The following MACF1 variants were observed in gnomAD, a reference collection of about 807,000 sequenced individuals.
MACF1 encodes the protein microtubule-actin cross-linking factor 1.
In MACF1, 193 loss-of-function variants were observed where a neutral mutation model predicts 854.8. The observed-to-expected ratio is 0.23, with a 90% confidence interval of 0.20 to 0.25. The LOEUF is 0.25. Among genes scored for constraint, MACF1 ranks in the 10% least tolerant of loss-of-function variants. The pLI, the probability that MACF1 is intolerant of heterozygous loss-of-function variation, is 1.00. For missense variants in MACF1, 7,722 were observed against 8,929.1 expected, an observed-to-expected ratio of 0.86 and a Z score of 5.45; for synonymous variants, 3,185 against 3,226.7, an observed-to-expected ratio of 0.99 and a Z score of 0.44.
At chr1:39,361,264 A>G (rs1648165415) in intron 48 of MACF1, 96 bp from the exon 49 acceptor site, 4 of 1,241,064 alleles carry the variant, frequency 3.2e-6, no homozygotes, top group Non-Finnish European at 4.5e-6. Flanking sequence ...GCAGTCCTCC[A>G]GTCCCCCTTG....
intron 97 of MACF1, among the ~76,000 whole-genome samples, chr1:39,477,060 T>C (rs1206942112): frequency 9.8e-5 from 2 of 20,460 alleles, no homozygotes; most frequent in Admixed American, 6.6e-4. Context: ...TATATATATA[T>C]ATATATATAT....
Position 39,477,999 on chromosome 1 carries a change from A to ATTTTT in MACF1, c.21959-1782_21959-1778dup, listed in dbSNP as rs36028217. 1.3e-3 allele frequency among the ~76,000 whole-genome samples: 132 copies of ATTTTT among 101,854 alleles called. 4 individuals are homozygous for ATTTTT. Among genetic ancestry groups the ATTTTT allele is most frequent in the African/African-American group, 4.4e-3 (117 of 26,554 alleles). The allele number at this position is 101,854 out of a possible 152,430, so 66.8% of individuals were successfully genotyped here. A position where few individuals can be genotyped will look rare whatever the true frequency, so the allele number is the denominator to read the frequency against. ...CCTGGCAGAGTTTGCTCAGAAGTGA[A>ATTTTT]TTTTTTTTTTTTTTTTTTTTTGAGA... On this transcript the variant is annotated intron_variant, in intron 97 of 100. Coordinates refer to ENST00000564288, the MANE Select transcript of MACF1 (RefSeq NM_001394062.1).
At chr1:39,307,993 C>T (rs1646224352) in intron 23 of MACF1, among the ~76,000 whole-genome samples, 1 of 144,350 alleles carries the variant, frequency 6.9e-6, no homozygotes, top group African/African-American at 2.6e-5. Context: ...CAAGCTCTGC[C>T]TCCTGGGTTC....
intron 2 of MACF1, among the ~76,000 whole-genome samples, chr1:39,096,678 G>T (rs1409157186): frequency 6.6e-6 from 1 of 151,256 alleles, no homozygotes; most frequent in Non-Finnish European, 1.5e-5. Context: ...TTGCTCTGTT[G>T]CCCAGGCTGC....
chr1:39,379,856 T>C (rs1650024902), intron 54 of MACF1, among the ~76,000 whole-genome samples: 1 of 152,150 alleles, frequency 6.6e-6, no homozygotes, highest in African/African-American at 2.4e-5. Context: ...CTAGGAAAAA[T>C]GTCAGAAGAT....
intron 6 of MACF1, chr1:39,268,486 G>A (rs571314878): frequency 8.8e-7 from 1 of 1,133,742 alleles, no homozygotes; most frequent in African/African-American, 1.6e-5. Context: ...TTGTCTTGTT[G>A]CAGCTCTGAG....
chr1:39,092,495 G>A (rs1209547665), intron 2 of MACF1, among the ~76,000 whole-genome samples: 4 of 152,184 alleles, frequency 2.6e-5, no homozygotes, highest in Non-Finnish European at 4.4e-5. Flanking sequence ...TATACACTGA[G>A]CAAATAATGG....
intron 2 of MACF1, among the ~76,000 whole-genome samples, chr1:39,141,496 T>G (rs1643345140): frequency 6.6e-6 from 1 of 152,226 alleles, no homozygotes; most frequent in Non-Finnish European, 1.5e-5. Context: ...CTTGGGCAAG[T>G]TCTTGAACCT....
At chr1:39,168,519 C>T (rs781252366) in intron 2 of MACF1, among the ~76,000 whole-genome samples, 9 of 152,030 alleles carry the variant, frequency 5.9e-5, no homozygotes, top group South Asian at 2.1e-4. Flanking sequence ...GTGTGGAGAA[C>T]GGTCTCGCTA....
Position 39,466,544 on chromosome 1 carries a change from C to T in MACF1, c.21771+1432C>T, listed in dbSNP as rs148877208. 3.6e-4 allele frequency among the ~76,000 whole-genome samples: 55 copies of T among 152,336 alleles called. 1 individual carries two copies. In the East Asian group the frequency reaches 9.2e-3, roughly 26 times the overall value. ...TTCCTGATTCACCCTGGGGTACACA[C>T]AGGTGCATACTCCCTGCCTCTCACC... On this transcript the variant is annotated intron_variant, in intron 95 of 100. Transcript: ENST00000564288.
chr1:39,171,727 G>A (rs970706677), intron 2 of MACF1, among the ~76,000 whole-genome samples: 7 of 152,110 alleles, frequency 4.6e-5, no homozygotes, highest in Non-Finnish European at 8.8e-5. Context: ...TCGGGTTCAC[G>A]CCATTCTCCT....
intron 58 of MACF1, among the ~76,000 whole-genome samples, chr1:39,402,127 G>A (rs564309419): frequency 1.3e-5 from 2 of 152,274 alleles, no homozygotes; most frequent in South Asian, 2.1e-4. Context: ...CAGGAGAATC[G>A]CTTGAACCTG....
intron 42 of MACF1, among the ~76,000 whole-genome samples, chr1:39,350,194 A>G (rs1252693698): frequency 6.6e-6 from 1 of 152,252 alleles, no homozygotes; most frequent in Non-Finnish European, 1.5e-5. Flanking sequence ...AACTTGAGAA[A>G]TGAAAGATAT....
At chr1:39,183,300 C>G (rs549135183) in intron 2 of MACF1, among the ~76,000 whole-genome samples, 29 of 152,270 alleles carry the variant, frequency 1.9e-4, no homozygotes, top group African/African-American at 7.0e-4. Context: ...TGTGAACATA[C>G]TGATACTTAA....
At chr1:39,087,751 T>A (rs968965128) in intron 2 of MACF1, among the ~76,000 whole-genome samples, 5 of 152,264 alleles carry the variant, frequency 3.3e-5, no homozygotes, top group South Asian at 4.1e-4. Context: ...TAAACACAGA[T>A]CTTCTAACTC....
intron 100 of MACF1, chr1:39,485,137 A>C: frequency 3.2e-6 from 1 of 310,504 alleles, no homozygotes. Flanking sequence ...TTCTCCTGCT[A>C]CTGTTCCTCA....
chr1:39,333,935 A>G lies in MACF1; in HGVS notation c.7347A>G (p.Arg2449=). ...LINLEKASKG[R]DAEKTVRERL... The stretch of plus-strand genomic sequence containing the variant: ...ATCTGGAGAAAGCTTCCAAAGGTAG[A>G]GATGCTGAAAAAACAGTTAGGGAGA... The change falls in exon 37 of 101, where the codon AGA becomes AGG. Residue 2449 remains arginine (R), a synonymous_variant. Coordinates refer to ENST00000564288, the MANE Select transcript of MACF1 (RefSeq NM_001394062.1). 6 of 1,614,194 alleles carry G rather than the reference A, an allele frequency of 3.7e-6. 1 individual carries two copies. The highest frequency in any genetic ancestry group is 5.1e-6 in the Non-Finnish European group (6 of 1,180,034).
chr1:39,095,927 G>C lies in MACF1; in HGVS notation c.220+11489G>C, dbSNP rs1399481677. Among the ~76,000 whole-genome samples, 156 of 151,960 alleles carry C rather than the reference G, an allele frequency of 1.0e-3. 1 individual carries two copies. Among genetic ancestry groups the C allele is most frequent in the African/African-American group, 3.7e-3 (153 of 41,314 alleles). On this transcript the variant is annotated intron_variant, in intron 2 of 93. Coordinates refer to the MACF1 transcript ENST00000361689. ...CTCATGCCTGTAATCCCAACACTTT[G>C]GGAGGCCAAGGCAGGAGAATCACTT...
chr1:39,436,435 C>G, intron 70 of MACF1: 2 of 1,611,550 alleles, frequency 1.2e-6, no homozygotes, highest in Non-Finnish European at 1.7e-6. Context: ...CTGTCTTCCC[C>G]ACATCGTCAC....
Sources: allele counts gnomAD v4.1 joint callset (sites outside exome capture counted in the v4.1 genomes callset), GRCh38; gene constraint gnomAD v4.1.1; transcripts MANE v1.5; gene names NCBI Gene and HGNC (gene_info 2026-07-23, HGNC 2026-07-21).